Variants in CLN8 observed in about 807,000 individuals in gnomAD.
CLN8 encodes the protein protein CLN8.
In CLN8, 14 loss-of-function variants were observed where a neutral mutation model predicts 15.7. The observed-to-expected ratio is 0.89, with a 90% CI of 0.59 to 1.39. CLN8 has a LOEUF of 1.39. CLN8 is among the 40% of genes most tolerant of loss of function. The pLI is 0.00. For synonymous variants in CLN8, 188 were observed against 151.0 expected (o/e 1.25, Z -1.80); for missense variants, 415 against 364.0 (o/e 1.14, Z -1.14).
chr8:1,765,326 C>T (rs1000763854), intron 1 of CLN8: 42 of 152,180 alleles, frequency 2.8e-4, no homozygotes, highest in African/African-American at 1.0e-3. Context: ...CTGTTATCCC[C>T]TTTTATGTAA....
At position 1,771,419 on chromosome 8, in the gene CLN8, A is replaced by G. The variant is rs2130991989; in HGVS notation, c.365A>G (p.His122Arg). ...GFFCFENVAV[H>R]LSNLIFRTFD... ...TTTTGCTTTGAAAATGTTGCAGTCC[A>G]CCTGTCCAACTTGATCTTCCGGACA... The change falls in exon 2 of 3, where the codon CAC becomes CGC. Residue 122 changes from histidine (H) to arginine (R), a missense_variant. By Grantham distance (29) the His-to-Arg change is conservative. Transcript: ENST00000331222. The G allele has an allele frequency of 6.2e-7, 1 of 1,614,148 alleles. No individual in the cohort carries two copies. Among genetic ancestry groups the G allele is most frequent in the African/African-American group, 1.3e-5 (1 of 75,048 alleles).
Position 1,778,146 on chromosome 8 carries a change from G to C in CLN8, c.544-2104G>C, listed in dbSNP as rs114122586. Among the ~76,000 whole-genome samples, 1,009 of 152,226 alleles carry C rather than the reference G, an allele frequency of 6.6e-3. 11 individuals are homozygous for C. The highest frequency in any genetic ancestry group is 0.022 in the African/African-American group (925 of 41,520). On this transcript the variant is annotated intron_variant, in intron 2 of 2. Transcript: ENST00000331222. ...CACCACTTATGGACCTGGTGGTTGTGGCCAGTTGTCAGAGTGACTATACTG... is the reference window on the plus strand; with the variant it reads ...CACCACTTATGGACCTGGTGGTTGTCGCCAGTTGTCAGAGTGACTATACTG...
chr8:1,763,404 G>A (rs1186276903), upstream of CLN8: 1 of 21,154 alleles, frequency 4.7e-5, no homozygotes, highest in Admixed American at 6.5e-4. Flanking sequence ...GCCGCGCCCC[G>A]CCCCCCGCCG....
chr8:1,754,446 A>C (rs961930991), upstream of CLN8, among the ~76,000 whole-genome samples: 1 of 152,140 alleles, frequency 6.6e-6, no homozygotes, highest in African/African-American at 2.4e-5. Flanking sequence ...GTCTTTGACT[A>C]TCTTTATTTG....
rs1460661968 is a variant in CLN8 at position 1,783,226 on chromosome 8, A to G, written c.*2659A>G. 1 of 152,262 alleles carries G rather than the reference A, an allele frequency of 6.6e-6. No homozygotes were observed. The highest frequency in any genetic ancestry group is 1.5e-5 in the Non-Finnish European group (1 of 68,102). 9.4% of individuals were successfully genotyped at this position (152,262 alleles called of 1,614,324 possible). ...GTTGGTGTGAGCCTGGGCCCGGCCC[A>G]CTCAGCGGCCCACATTGGCCAGCAT... On this transcript the variant is annotated 3_prime_UTR_variant, in exon 3 of 3. Transcript: ENST00000331222.
chr8:1,770,110 G>A (rs1013672302), intron 1 of CLN8, among the ~76,000 whole-genome samples: 8 of 152,202 alleles, frequency 5.3e-5, no homozygotes, highest in African/African-American at 1.9e-4. Flanking sequence ...AGTGTTTGGG[G>A]TATGCATCAG....
intron 2 of CLN8, among the ~76,000 whole-genome samples, chr8:1,776,684 T>G (rs996139982): frequency 6.6e-6 from 1 of 152,256 alleles, no homozygotes; most frequent in Non-Finnish European, 1.5e-5. Context: ...TGTCTTCAGT[T>G]TGATAACTAG....
chr8:1,761,008 C>G (rs1048281771), upstream of CLN8, among the ~76,000 whole-genome samples: 5 of 142,716 alleles, frequency 3.5e-5, no homozygotes, highest in Non-Finnish European at 7.5e-5. Flanking sequence ...ATGACTATAG[C>G]CATCTTTTTT....
intron 1 of CLN8, among the ~76,000 whole-genome samples, chr8:1,757,961 T>C (rs1800710310): frequency 6.6e-6 from 1 of 152,078 alleles, no homozygotes. Context: ...TAGGGACCAA[T>C]CTCATCCTTT....
intron 2 of CLN8, chr8:1,773,533 G>T (rs1801396809): frequency 6.6e-6 from 1 of 152,306 alleles, no homozygotes; most frequent in South Asian, 2.1e-4. Flanking sequence ...GAAGCTGCTG[G>T]TCTAAGTGTG....
chr8:1,753,296 C>T (rs10106153), upstream of CLN8, among the ~76,000 whole-genome samples: 1 of 151,702 alleles, frequency 6.6e-6, no homozygotes. Flanking sequence ...CCTGGCTGGG[C>T]GCGGTGGCTC....
upstream of CLN8, among the ~76,000 whole-genome samples, chr8:1,753,960 G>A (rs1223708199): frequency 6.6e-6 from 1 of 152,118 alleles, no homozygotes; most frequent in Non-Finnish European, 1.5e-5. Flanking sequence ...CAAGGAGGGG[G>A]ATTCAGGTTG....
At chr8:1,774,120 G>T (rs765301943) in intron 2 of CLN8, among the ~76,000 whole-genome samples, 12 of 152,216 alleles carry the variant, frequency 7.9e-5, no homozygotes, top group Non-Finnish European at 1.6e-4. Flanking sequence ...CCTGGAGCCA[G>T]GTGTGGGGAC....
chr8:1,782,656 G>A lies in CLN8; in HGVS notation c.*2089G>A, dbSNP rs1801736989. 2 of 152,210 alleles carry A rather than the reference G, an allele frequency of 1.3e-5. No individual in the cohort carries two copies. The highest frequency in any genetic ancestry group is 1.3e-4 in the Admixed American group (2 of 15,286). The allele number at this position is 152,210 out of a possible 1,614,324, so 9.4% of individuals were successfully genotyped here. ...AGTCAGCAGGAGCTGGTGTTTTTCA[G>A]CCAGACAGAGGCATAATAAAGTGAC... On this transcript the variant is annotated 3_prime_UTR_variant, in exon 3 of 3. Coordinates refer to ENST00000331222, the MANE Select transcript of CLN8 (RefSeq NM_018941.4).
At chr8:1,756,773 C>T (rs555591611) in intron 1 of CLN8, among the ~76,000 whole-genome samples, 1 of 150,726 alleles carries the variant, frequency 6.6e-6, no homozygotes, top group Non-Finnish European at 1.5e-5. Flanking sequence ...ACCTCTGCCT[C>T]CCGGGTTCAA....
intron 1 of CLN8, among the ~76,000 whole-genome samples, chr8:1,764,094 A>G (rs1163403357): frequency 6.8e-6 from 1 of 146,952 alleles, no homozygotes; most frequent in Non-Finnish European, 1.5e-5. Flanking sequence ...CTGAGGGGGA[A>G]CCCAGATGGG....
intron 1 of CLN8, among the ~76,000 whole-genome samples, chr8:1,770,208 C>G (rs1217470894): frequency 1.3e-5 from 2 of 152,116 alleles, no homozygotes; most frequent in African/African-American, 4.8e-5. Context: ...AAGTGAGGAC[C>G]TGACAGGTAA....
upstream of CLN8, among the ~76,000 whole-genome samples, chr8:1,753,168 G>A (rs1049262599): frequency 1.3e-5 from 2 of 152,144 alleles, no homozygotes; most frequent in Admixed American, 1.3e-4. Flanking sequence ...TACGTGGCAA[G>A]GTGTGCAGCT....
chr8:1,781,156 G>C lies in CLN8; in HGVS notation c.*589G>C, dbSNP rs573668621. ...GTGGATCACTTGAGGCCAGGAGTTC[G>C]AGACCAGCCTGGTCAAGATGGTGAA... On this transcript the variant is annotated 3_prime_UTR_variant, in exon 3 of 3. Transcript: ENST00000331222. 2.6e-5 allele frequency: 4 copies of C among 152,934 alleles called. No individual in the cohort carries two copies. The highest frequency in any genetic ancestry group is 5.8e-5 in the Non-Finnish European group (4 of 68,708). The allele number at this position is 152,934 out of a possible 1,614,324, so 9.5% of individuals were successfully genotyped here.
Sources: allele counts gnomAD v4.1 joint callset (sites outside exome capture counted in the v4.1 genomes callset), GRCh38; gene constraint gnomAD v4.1.1; transcripts MANE v1.5; gene names NCBI Gene and HGNC (gene_info 2026-07-23, HGNC 2026-07-21).